Variants in YWHAB observed in about 807,000 individuals in gnomAD.
YWHAB encodes tyrosine 3-monooxygenase/tryptophan 5-monooxygenase activation protein beta, also known as 14-3-3 protein beta/alpha.
In YWHAB, 2 loss-of-function variants were observed where a neutral mutation model predicts 28.5. The observed-to-expected ratio is 0.07, with a 90% CI of 0.03 to 0.22. YWHAB has a LOEUF of 0.22. Ranked by LOEUF, YWHAB falls within the 10% of genes least tolerant of loss-of-function variation. The pLI, the probability that YWHAB is intolerant of heterozygous loss-of-function variation, is 1.00. For synonymous variants in YWHAB, 103 were observed against 104.7 expected (o/e 0.98, Z 0.10); for missense variants, 148 against 297.1 (o/e 0.50, Z 3.69).
Position 44,885,765 on chromosome 20 carries a change from G to GCCA in YWHAB, c.-123_-122insACC. ...CGGAGCCGGGGTAGTCGCCGCCGCC[G>GCCA]CCGCCGCTGCAGCCACTGCAGGCAC... On this transcript the variant is annotated 5_prime_UTR_variant, in exon 1 of 6. Transcript: ENST00000353703. 1 of 182,004 alleles carries GCCA rather than the reference G, an allele frequency of 5.5e-6. No individual in the cohort carries two copies. Among genetic ancestry groups the GCCA allele is most frequent in the Non-Finnish European group, 1.1e-5 (1 of 88,462 alleles). The allele number at this position is 182,004 out of a possible 1,614,324, so 11.3% of individuals were successfully genotyped here.
intron 3 of YWHAB, among the ~76,000 whole-genome samples, 198 bp from the exon 4 acceptor site, chr20:44,904,770 C>G (rs1425302836): frequency 6.6e-6 from 1 of 152,118 alleles, no homozygotes; most frequent in Admixed American, 6.5e-5. Context: ...TTGTTTTCCC[C>G]CAAAGCATTT....
chr20:44,901,381 T>TA (rs1262385657), intron 1 of YWHAB, 150 bp from the exon 2 acceptor site: 36 of 803,444 alleles, frequency 4.5e-5, no homozygotes, highest in Middle Eastern at 3.3e-4. Flanking sequence ...AGGTGTTTGA[T>TA]ATATCATCAA....
intron 1 of YWHAB, among the ~76,000 whole-genome samples, chr20:44,895,657 A>G (rs1479184358): frequency 2.0e-5 from 3 of 152,034 alleles, no homozygotes; most frequent in African/African-American, 7.2e-5. Flanking sequence ...TTGTAGAGAC[A>G]AGGTCTTACT....
intron 1 of YWHAB, among the ~76,000 whole-genome samples, chr20:44,891,801 A>G (rs1369492644): frequency 1.3e-5 from 2 of 152,200 alleles, no homozygotes; most frequent in Non-Finnish European, 2.9e-5. Context: ...TTCAGTGTTC[A>G]CTGGACTTAG....
At chr20:44,887,416 G>T (rs2066534897) in intron 1 of YWHAB, 1 of 152,124 alleles carries the variant, frequency 6.6e-6, no homozygotes, top group African/African-American at 2.4e-5. Context: ...AGGTGATTTG[G>T]CCTAGACTAT....
chr20:44,901,251 T>TC (rs2066624562), intron 1 of YWHAB, among the ~76,000 whole-genome samples: 1 of 152,160 alleles, frequency 6.6e-6, no homozygotes, highest in African/African-American at 2.4e-5. Context: ...TCCCTGACCC[T>TC]CCATTTCTTC....
intron 1 of YWHAB, among the ~76,000 whole-genome samples, chr20:44,899,617 A>C (rs983709732): frequency 6.6e-6 from 1 of 152,246 alleles, no homozygotes; most frequent in Non-Finnish European, 1.5e-5. Flanking sequence ...ATTTAAACCA[A>C]CAGTACATAA....
At chr20:44,895,036 T>G (rs1048754057) in intron 1 of YWHAB, among the ~76,000 whole-genome samples, 2 of 152,248 alleles carry the variant, frequency 1.3e-5, no homozygotes, top group South Asian at 4.1e-4. Context: ...CTGTAAGTGG[T>G]ACAGTACTCA....
rs2066668400 is a variant in YWHAB, at chr20:44,907,975, A to C, written c.*1537A>C. The C allele has an allele frequency of 6.6e-6, 1 of 152,642 alleles. No homozygotes were observed. Among genetic ancestry groups the C allele is most frequent in the African/African-American group, 2.4e-5 (1 of 41,450 alleles). The allele number at this position is 152,642 out of a possible 1,614,324, so 9.5% of individuals were successfully genotyped here. On this transcript the variant is annotated 3_prime_UTR_variant, in exon 6 of 6. Coordinates refer to ENST00000353703, the MANE Select transcript of YWHAB (RefSeq NM_139323.4). ...GGTCAGTGCTCAGATGTGTTTAAGG[A>C]GACCCTATATTCAGGGAAGTTGCGT... is the stretch of plus-strand genomic sequence containing the variant.
chr20:44,886,075 G>C (rs1218315161), intron 1 of YWHAB, 189 bp downstream of exon 1: 1 of 152,262 alleles, frequency 6.6e-6, no homozygotes, highest in African/African-American at 2.4e-5. Context: ...TCCGGGGCCG[G>C]GCCCTTTACC....
At chr20:44,906,283 A>G in intron 5 of YWHAB, 99 bp from the exon 6 acceptor site, 3 of 1,344,858 alleles carry the variant, frequency 2.2e-6, no homozygotes, top group Non-Finnish European at 3.2e-6. Context: ...CACAGGAATA[A>G]TTTTAAACTG....
chr20:44,892,245 C>A (rs1313172504), intron 1 of YWHAB, among the ~76,000 whole-genome samples: 1 of 152,138 alleles, frequency 6.6e-6, no homozygotes, highest in African/African-American at 2.4e-5. Context: ...CTTCCTTATT[C>A]TCATTTCTTT....
intron 3 of YWHAB, among the ~76,000 whole-genome samples, chr20:44,904,714 T>TA (rs1447608057): frequency 6.6e-6 from 1 of 152,240 alleles, no homozygotes; most frequent in Non-Finnish European, 1.5e-5. Context: ...TCTATATTGT[T>TA]AAAGGTTATA....
intron 2 of YWHAB, chr20:44,903,435 G>A (rs2066638684): frequency 1.3e-5 from 2 of 152,950 alleles, no homozygotes; most frequent in African/African-American, 4.8e-5. Context: ...TTCCTCCTAA[G>A]GAAAGATATT....
chr20:44,905,968 T>G (rs1409103346), intron 4 of YWHAB, 33 bp from the exon 5 acceptor site: 2 of 1,576,688 alleles, frequency 1.3e-6, no homozygotes, highest in Non-Finnish European at 1.7e-6. Flanking sequence ...CCAGAGAACT[T>G]GTGAATTCTT....
At chr20:44,893,406 A>G (rs2066575268) in intron 1 of YWHAB, among the ~76,000 whole-genome samples, 1 of 152,184 alleles carries the variant, frequency 6.6e-6, no homozygotes, top group Non-Finnish European at 1.5e-5. Context: ...AAAAAGAAAT[A>G]GTACCCAATT....
chr20:44,886,807 A>G (rs2066530916), intron 1 of YWHAB: 1 of 152,142 alleles, frequency 6.6e-6, no homozygotes, highest in South Asian at 2.1e-4. Flanking sequence ...TTGGTAAGCA[A>G]TTTGCCAACC....
chr20:44,907,399 C>G lies in YWHAB; in HGVS notation c.*961C>G, dbSNP rs181971830. The stretch of plus-strand genomic sequence containing the variant: ...TTAAAGCTGCAGTGCCCTGTGGTTG[C>G]ACCTGTGAATAACTGCACTCCAGCC... On this transcript the variant is annotated 3_prime_UTR_variant, in exon 6 of 6. Coordinates refer to ENST00000353703, the MANE Select transcript of YWHAB (RefSeq NM_139323.4). 2.0e-5 allele frequency: 3 copies of G among 152,122 alleles called. No individual in the cohort carries two copies. Among genetic ancestry groups the G allele is most frequent in the African/African-American group, 7.2e-5 (3 of 41,394 alleles). The allele number at this position is 152,122 out of a possible 1,614,324, so 9.4% of individuals were successfully genotyped here.
chr20:44,904,540 C>T (rs564506313), intron 3 of YWHAB, among the ~76,000 whole-genome samples: 1 of 152,094 alleles, frequency 6.6e-6, no homozygotes, highest in African/African-American at 2.4e-5. Flanking sequence ...CACAGCCTTA[C>T]GAGTTAGGTG....
Sources: allele counts gnomAD v4.1 joint callset (sites outside exome capture counted in the v4.1 genomes callset), GRCh38; gene constraint gnomAD v4.1.1; transcripts MANE v1.5; gene names NCBI Gene and HGNC (gene_info 2026-07-23, HGNC 2026-07-21).